ATE1: variants seen among roughly 807,000 people sequenced by gnomAD.
The protein encoded by ATE1 is arginyl-tRNA--protein transferase 1.
A neutral mutation model predicts 70.5 loss-of-function variants in ATE1; 36 were observed. The observed-to-expected ratio is 0.51, with a 90% CI of 0.39 to 0.67. The LOEUF is 0.67. Among genes scored for constraint, ATE1 ranks in the 30% least tolerant of loss-of-function variants. The pLI is 0.00. For synonymous variants in ATE1, 232 were observed against 219.3 expected (o/e 1.06, Z -0.51); for missense variants, 593 against 629.5 (o/e 0.94, Z 0.62).
chr10:121,807,520 C>A (rs530356983), intron 10 of ATE1, among the ~76,000 whole-genome samples: 1 of 152,324 alleles, frequency 6.6e-6, no homozygotes, highest in Non-Finnish European at 1.5e-5. Context: ...ACATAGCAAA[C>A]TGTACTTATA....
intron 5 of ATE1, 147 bp from the exon 6 acceptor site, chr10:121,902,767 G>C (rs537504810): frequency 2.0e-5 from 16 of 792,780 alleles, no homozygotes; most frequent in South Asian, 1.4e-4. Flanking sequence ...TCCTGATACA[G>C]AGCTGTAAGT....
At chr10:121,789,733 T>C (rs1304969876) in intron 11 of ATE1, among the ~76,000 whole-genome samples, 1 of 152,144 alleles carries the variant, frequency 6.6e-6, no homozygotes, top group African/African-American at 2.4e-5. Flanking sequence ...AAAAAAGTAT[T>C]GTCACAAAAT....
At chr10:121,762,535 T>C (rs959019204) in intron 11 of ATE1, among the ~76,000 whole-genome samples, 1 of 152,040 alleles carries the variant, frequency 6.6e-6, no homozygotes, top group Non-Finnish European at 1.5e-5. Flanking sequence ...CCCCTGTGTC[T>C]GTGTGGATTT....
intron 11 of ATE1, among the ~76,000 whole-genome samples, chr10:121,761,248 C>A (rs1054181997): frequency 2.0e-5 from 3 of 152,186 alleles, no homozygotes; most frequent in African/African-American, 7.2e-5. Flanking sequence ...GCCAAATAAA[C>A]CTCCTCTTTA....
At chr10:121,824,907 C>G (rs1220818670) in intron 10 of ATE1, among the ~76,000 whole-genome samples, 1 of 147,798 alleles carries the variant, frequency 6.8e-6, no homozygotes, top group Non-Finnish European at 1.5e-5. Context: ...GCTTTGCATG[C>G]AAATAATAAA....
chr10:121,873,092 CAT>C (rs1307046188), intron 7 of ATE1, among the ~76,000 whole-genome samples: 1 of 152,072 alleles, frequency 6.6e-6, no homozygotes, highest in East Asian at 1.9e-4. Context: ...CTTGATTTAA[CAT>C]AGTTCAATAA....
intron 8 of ATE1, among the ~76,000 whole-genome samples, chr10:121,855,444 TAATC>T (rs1258271909): frequency 1.3e-5 from 2 of 152,224 alleles, no homozygotes; most frequent in Non-Finnish European, 2.9e-5. Flanking sequence ...ATTTGTGAGT[TAATC>T]AATTAAGGAA....
At chr10:121,819,695 A>AAAAT (rs1947711269) in intron 10 of ATE1, among the ~76,000 whole-genome samples, 1 of 149,824 alleles carries the variant, frequency 6.7e-6, no homozygotes, top group South Asian at 2.1e-4. Context: ...AAAAAAAAAA[A>AAAAT]AAAAAAGACT....
At chr10:121,789,401 C>T (rs1463917337) in intron 11 of ATE1, among the ~76,000 whole-genome samples, 1 of 146,362 alleles carries the variant, frequency 6.8e-6, no homozygotes, top group Non-Finnish European at 1.5e-5. Context: ...CAGGTTCAAG[C>T]GATTCTCCTG....
chr10:121,823,055 CCAAGGTGGGTGGATCA>C (rs1947860952), intron 10 of ATE1, among the ~76,000 whole-genome samples: 1 of 152,066 alleles, frequency 6.6e-6, no homozygotes, highest in Non-Finnish European at 1.5e-5. Context: ...CTTTGGGAGG[CCAAGGTGGGTGGATCA>C]CAAGGTCAGG....
At position 121,924,348 on chromosome 10, in the gene ATE1, T is replaced by C; in HGVS notation, c.107-19A>G. ...CACATGCCTGAAAAAATAAGTAGTG[T>C]GTTAATTACGGCAGGGTAACCTTTT... is the stretch of plus-strand genomic sequence containing the variant. On this transcript the variant is annotated intron_variant, in intron 1 of 11. Transcript: ENST00000224652. 1 of 1,608,496 alleles carries C rather than the reference T, an allele frequency of 6.2e-7. No homozygotes were observed. Among genetic ancestry groups the C allele is most frequent in the Non-Finnish European group, 8.5e-7 (1 of 1,174,980 alleles).
At chr10:121,881,367 TA>T (rs1950217569) in intron 7 of ATE1, among the ~76,000 whole-genome samples, 2 of 152,142 alleles carry the variant, frequency 1.3e-5, no homozygotes, top group Admixed American at 6.5e-5. Flanking sequence ...AGTACCCCAA[TA>T]TAGCTAACTT....
At position 121,859,827 on chromosome 10, in the gene ATE1, A is replaced by G. The variant is rs563029111; in HGVS notation, c.975+10179T>C. Among the ~76,000 whole-genome samples the G allele has an allele frequency of 7.4e-3, 1,132 of 152,230 alleles. 21 individuals are homozygous for G. Among genetic ancestry groups the G allele is most frequent in the African/African-American group, 0.026 (1,085 of 41,554 alleles). Reference sequence around the variant, plus strand: ...CATGGTGGCAGGTGCCTGTAATCCCAGCTATTCGGAAGGCTGAGGCAGGAG... The same window carrying G: ...CATGGTGGCAGGTGCCTGTAATCCCGGCTATTCGGAAGGCTGAGGCAGGAG... On this transcript the variant is annotated intron_variant, in intron 8 of 11. Transcript: ENST00000224652.
chr10:121,863,676 CA>C (rs1379014007), intron 8 of ATE1, among the ~76,000 whole-genome samples: 7 of 152,292 alleles, frequency 4.6e-5, no homozygotes, highest in African/African-American at 1.7e-4. Flanking sequence ...GTGGTGCAAT[CA>C]TAGCTCACTG....
intron 10 of ATE1, among the ~76,000 whole-genome samples, chr10:121,806,867 G>T (rs569695467): frequency 2.0e-5 from 3 of 152,166 alleles, no homozygotes; most frequent in Admixed American, 6.5e-5. Flanking sequence ...TTTTCTGCAG[G>T]TTTGACATTT....
At chr10:121,832,505 T>C (rs975601227) in intron 10 of ATE1, among the ~76,000 whole-genome samples, 1 of 151,478 alleles carries the variant, frequency 6.6e-6, no homozygotes, top group African/African-American at 2.5e-5. Context: ...AGGGACCTAG[T>C]GGGAGATAAT....
intron 11 of ATE1, among the ~76,000 whole-genome samples, chr10:121,769,520 C>T (rs1945413085): frequency 6.6e-6 from 1 of 152,074 alleles, no homozygotes. Context: ...ACACCAAATG[C>T]ATGATGCATA....
At chr10:121,850,617 G>A (rs1252906643) in intron 8 of ATE1, among the ~76,000 whole-genome samples, 1 of 152,188 alleles carries the variant, frequency 6.6e-6, no homozygotes, top group Non-Finnish European at 1.5e-5. Context: ...ACACTCTTGA[G>A]AATCACTGAT....
At chr10:121,755,354 A>G (rs1447549116) in intron 11 of ATE1, among the ~76,000 whole-genome samples, 3 of 152,254 alleles carry the variant, frequency 2.0e-5, no homozygotes. Context: ...ATATATCAGA[A>G]ACTTATTCTC....
Sources: allele counts gnomAD v4.1 joint callset (sites outside exome capture counted in the v4.1 genomes callset), GRCh38; gene constraint gnomAD v4.1.1; transcripts MANE v1.5; gene names NCBI Gene and HGNC (gene_info 2026-07-23, HGNC 2026-07-21).